The following CACUL1 variants were observed in gnomAD, a reference collection of about 807,000 sequenced individuals.
The protein encoded by CACUL1 is CDK2 associated cullin domain 1.
In CACUL1, 13 loss-of-function variants were observed where a neutral mutation model predicts 45.2. The observed-to-expected ratio is 0.29, with a 90% CI of 0.19 to 0.46. The LOEUF is 0.46. CACUL1 is among the 20% of genes least tolerant of loss of function. The probability of loss-of-function intolerance (pLI) is 1.00; values close to 1 mark genes in which losing one functional copy is unlikely to be tolerated. For missense variants in CACUL1, 421 were observed against 471.4 expected (o/e 0.89, Z 0.99); for synonymous variants, 197 against 174.2 (o/e 1.13, Z -1.03).
At chr10:118,706,999 ACT>A (rs1845438410) in intron 4 of CACUL1, among the ~76,000 whole-genome samples, 1 of 152,110 alleles carries the variant, frequency 6.6e-6, no homozygotes, top group African/African-American at 2.4e-5. Context: ...AGATTCTATG[ACT>A]CTCGATATTT....
At chr10:118,711,161 C>T (rs1467829996) in intron 3 of CACUL1, among the ~76,000 whole-genome samples, 1 of 152,210 alleles carries the variant, frequency 6.6e-6, no homozygotes, top group Non-Finnish European at 1.5e-5. Context: ...CTCACTGCAA[C>T]CTCCGTCTCC....
At chr10:118,697,440 T>C (rs1308725895) in intron 5 of CACUL1, among the ~76,000 whole-genome samples, 2 of 152,230 alleles carry the variant, frequency 1.3e-5, no homozygotes, top group African/African-American at 2.4e-5. Flanking sequence ...ATAAGCCGTA[T>C]AGTTTAAACA....
chr10:118,748,205 G>A (rs1013186600), intron 1 of CACUL1, among the ~76,000 whole-genome samples: 2 of 152,202 alleles, frequency 1.3e-5, no homozygotes, highest in Non-Finnish European at 2.9e-5. Flanking sequence ...CACGCACTCC[G>A]ACATGTCTTA....
intron 1 of CACUL1, among the ~76,000 whole-genome samples, chr10:118,753,732 T>A (rs570211247): frequency 5.9e-5 from 9 of 152,298 alleles, no homozygotes; most frequent in Non-Finnish European, 7.4e-5. Flanking sequence ...ACATAACCCA[T>A]CCTGAAAGGC....
At chr10:118,705,776 T>G (rs530415698) in intron 4 of CACUL1, among the ~76,000 whole-genome samples, 2 of 152,350 alleles carry the variant, frequency 1.3e-5, no homozygotes, top group Admixed American at 1.3e-4. Flanking sequence ...GAAACTTTGC[T>G]TATTATGGCA....
At position 118,732,426 on chromosome 10, in the gene CACUL1, T is replaced by C. The variant is rs1351486787; in HGVS notation, c.368-2016A>G. On this transcript the variant is annotated intron_variant, in intron 1 of 8. Transcript: ENST00000369151. Reference sequence around the variant, plus strand: ...TGTCCAGCGGGCATAGCAGATACTGTTGGTGCCCCACCCATTTACCCCATC... The same window carrying C: ...TGTCCAGCGGGCATAGCAGATACTGCTGGTGCCCCACCCATTTACCCCATC... Among the ~76,000 whole-genome samples, 5 of 152,306 alleles carry C rather than the reference T, an allele frequency of 3.3e-5. No individual in the cohort carries two copies. The East Asian group carries it at 9.6e-4, about 29-fold the overall frequency.
At chr10:118,732,388 C>A (rs562742855) in intron 1 of CACUL1, among the ~76,000 whole-genome samples, 6 of 152,246 alleles carry the variant, frequency 3.9e-5, no homozygotes, top group Admixed American at 3.9e-4. Flanking sequence ...GAAGACTGCA[C>A]GAAAAGCTTA....
At chr10:118,743,342 C>CA in intron 1 of CACUL1, among the ~76,000 whole-genome samples, 1 of 151,648 alleles carries the variant, frequency 6.6e-6, no homozygotes, top group Non-Finnish European at 1.5e-5. Flanking sequence ...TAAAACCCCA[C>CA]AAATCCAAAA....
intron 3 of CACUL1, among the ~76,000 whole-genome samples, chr10:118,715,614 T>C (rs1032593122): frequency 6.6e-6 from 1 of 152,230 alleles, no homozygotes; most frequent in Non-Finnish European, 1.5e-5. Flanking sequence ...TTAATTGTAA[T>C]AGTTACACAT....
chr10:118,686,582 G>A lies in CACUL1; in HGVS notation c.1069+16C>T, dbSNP rs752971780. 1 of 1,599,598 alleles carries A rather than the reference G, an allele frequency of 6.3e-7. No individual in the cohort carries two copies. The highest frequency in any genetic ancestry group is 8.6e-7 in the Non-Finnish European group (1 of 1,166,762). The stretch of plus-strand genomic sequence containing the variant: ...ATCACAGAACCATCAAGATGGGAAG[G>A]AACATCATTACTTACTATAAGCCAA... On this transcript the variant is annotated intron_variant, in intron 8 of 8. Transcript: ENST00000369151.
chr10:118,745,406 A>T (rs1293065341), intron 1 of CACUL1, among the ~76,000 whole-genome samples: 1 of 152,176 alleles, frequency 6.6e-6, no homozygotes, highest in Non-Finnish European at 1.5e-5. Context: ...TACTAAAAAT[A>T]CAAAAATTAG....
chr10:118,733,008 G>A (rs1343686252), intron 1 of CACUL1, among the ~76,000 whole-genome samples: 1 of 152,166 alleles, frequency 6.6e-6, no homozygotes, highest in African/African-American at 2.4e-5. Context: ...AAAACTGCAA[G>A]TAGTAACACC....
rs1047580712 is a variant in CACUL1 at position 118,695,020 on chromosome 10, T to C, written c.886+121A>G. 9 of 645,430 alleles carry C rather than the reference T, an allele frequency of 1.4e-5. No homozygotes were observed. In the African/African-American group the frequency reaches 1.5e-4, roughly 10 times the overall value. 40.0% of individuals were successfully genotyped at this position (645,430 alleles called of 1,614,324 possible). On this transcript the variant is annotated intron_variant, in intron 6 of 8. Transcript: ENST00000369151. ...TTCACAATGATGAGTATCTACTCAA[T>C]TTTTTTGCTCCAGCAAATCCAAGTA...
At chr10:118,724,719 T>C (rs1182757815) in intron 3 of CACUL1, among the ~76,000 whole-genome samples, 5 of 152,142 alleles carry the variant, frequency 3.3e-5, no homozygotes, top group Non-Finnish European at 7.3e-5. Flanking sequence ...AATGATGACG[T>C]GGAAGAGGAA....
chr10:118,700,081 C>G (rs996627158), intron 5 of CACUL1, among the ~76,000 whole-genome samples: 2 of 151,852 alleles, frequency 1.3e-5, no homozygotes, highest in African/African-American at 4.8e-5. Context: ...AAACTTGCCC[C>G]ATGCTTGATA....
rs142200313 is a variant in CACUL1, at chr10:118,698,048, C to A, written c.797-2818G>T. 1.3e-3 allele frequency among the ~76,000 whole-genome samples: 198 copies of A among 152,158 alleles called. 1 individual carries two copies. The highest frequency in any genetic ancestry group is 4.5e-3 in the African/African-American group (188 of 41,504). On this transcript the variant is annotated intron_variant, in intron 5 of 8. Transcript: ENST00000369151. ...CATACTAATAATGAATAATATGGGG[C>A]AATCAAGAACTGATTCTTTATTAAC... is the stretch of plus-strand genomic sequence containing the variant.
intron 5 of CACUL1, among the ~76,000 whole-genome samples, chr10:118,695,889 T>C (rs1268161950): frequency 1.3e-5 from 2 of 151,368 alleles, no homozygotes; most frequent in Admixed American, 6.6e-5. Context: ...GTGAATTCCA[T>C]TGATAAGTGA....
At chr10:118,700,121 G>GA (rs577928532) in intron 5 of CACUL1, among the ~76,000 whole-genome samples, 3,767 of 144,746 alleles carry the variant, frequency 0.026, 57 homozygotes, top group Middle Eastern at 0.04. Flanking sequence ...CATCAAAAAT[G>GA]AAAAAAAAAA....
intron 5 of CACUL1, among the ~76,000 whole-genome samples, chr10:118,698,085 A>G (rs1184806382): frequency 6.6e-6 from 1 of 151,464 alleles, no homozygotes. Flanking sequence ...GACAGTATTC[A>G]TTTTACATTT....
Sources: gnomAD v4.1 joint callset for allele counts (sites outside exome capture counted in the v4.1 genomes callset) on GRCh38, gnomAD v4.1.1 for gene constraint, MANE v1.5 for transcripts, NCBI Gene and HGNC (gene_info 2026-07-23, HGNC 2026-07-21) for gene names.